The following ORC1 variants were observed in gnomAD, a reference collection of about 807,000 sequenced individuals.
The protein encoded by ORC1 is origin recognition complex subunit 1.
ORC1 carries 61 observed loss-of-function variants against 98.9 expected under a neutral mutation model. That is an observed-to-expected ratio of 0.62 (90% CI 0.50 to 0.76). The LOEUF is 0.76. Among genes scored for constraint, ORC1 ranks in the 30% least tolerant of loss-of-function variants. The probability of loss-of-function intolerance (pLI) is 0.00; values close to 1 mark genes in which losing one functional copy is unlikely to be tolerated. For missense variants in ORC1, 979 were observed against 1,072.2 expected, an observed-to-expected ratio of 0.91 and a Z score of 1.21; for synonymous variants, 385 against 406.9, an observed-to-expected ratio of 0.95 and a Z score of 0.65.
At chr1:52,407,542 G>A (rs1356602954), upstream of ORC1, among the ~76,000 whole-genome samples, 1 of 152,196 alleles carries the variant, frequency 6.6e-6, no homozygotes, top group Non-Finnish European at 1.5e-5. Flanking sequence ...GAACCCAGAT[G>A]ACTTACTTTT....
chr1:52,403,332 TGG>T (rs1647821136), intron 1 of ORC1, among the ~76,000 whole-genome samples: 1 of 152,244 alleles, frequency 6.6e-6, no homozygotes, highest in South Asian at 2.1e-4. Context: ...TAAGGTACAG[TGG>T]TTTTATTTAT....
intron 16 of ORC1, among the ~76,000 whole-genome samples, chr1:52,373,628 C>T: frequency 6.6e-6 from 1 of 152,180 alleles, no homozygotes; most frequent in Admixed American, 6.5e-5. Flanking sequence ...GGCCAAGTTA[C>T]TGCACTCTTT....
intron 12 of ORC1, 84 bp downstream of exon 12, chr1:52,383,746 G>T: frequency 7.5e-7 from 1 of 1,339,600 alleles, no homozygotes; most frequent in Non-Finnish European, 1.1e-6. Flanking sequence ...GGAGAAGGGA[G>T]CCAGGACTTT....
At chr1:52,394,591 G>GGAA (rs1351080585) in intron 5 of ORC1, among the ~76,000 whole-genome samples, 1 of 152,040 alleles carries the variant, frequency 6.6e-6, no homozygotes, top group East Asian at 1.9e-4. Flanking sequence ...AGTTGAAAGA[G>GGAA]GAAGAAGAGG....
At chr1:52,401,585 A>G (rs1647710499) in intron 2 of ORC1, 96 bp from the exon 3 acceptor site, 1 of 1,439,674 alleles carries the variant, frequency 6.9e-7, no homozygotes, top group South Asian at 1.1e-5. Flanking sequence ...TCCAATCCTG[A>G]TTTCTTTCTG....
upstream of ORC1, chr1:52,408,536 T>C (rs1648064598): frequency 6.2e-7 from 1 of 1,613,848 alleles, no homozygotes; most frequent in African/African-American, 1.3e-5. Flanking sequence ...ACTTCTAGGA[T>C]GGCCTGTTGT....
intron 15 of ORC1, 146 bp downstream of exon 15, chr1:52,375,284 G>T: frequency 2.6e-6 from 2 of 778,306 alleles, no homozygotes; most frequent in Non-Finnish European, 4.4e-6. Context: ...TTATCCTAGG[G>T]TTATATTTCT....
At position 52,384,562 on chromosome 1, in the gene ORC1, C is replaced by T; in HGVS notation, c.1743G>A (p.Val581=). 6.2e-7 allele frequency: 1 copy of T among 1,614,090 alleles called. No individual in the cohort carries two copies. The highest frequency in any genetic ancestry group is 8.5e-7 in the Non-Finnish European group (1 of 1,180,002). ...MKLTEPHQVY[V]QILQKLTGQK... ...CAGCTCTGCTTACCTGCAAGATTTG[C>T]ACATAGACTTGGTGGGGCTCCGTCA... The change falls in exon 11 of 17, where the codon GTG becomes GTA. Residue 581 remains valine, a synonymous_variant. Coordinates refer to ENST00000371568, the MANE Select transcript of ORC1 (RefSeq NM_004153.4).
At chr1:52,408,301 G>A (rs1030028629), upstream of ORC1, 1 of 566,498 alleles carries the variant, frequency 1.8e-6, no homozygotes, top group African/African-American at 1.9e-5. Context: ...GAGGTAAATA[G>A]GTTTTATTCT....
intron 4 of ORC1, among the ~76,000 whole-genome samples, chr1:52,397,101 T>C (rs1203675194): frequency 1.3e-5 from 2 of 152,182 alleles, no homozygotes; most frequent in Admixed American, 6.5e-5. Flanking sequence ...TAAATTAAGA[T>C]AATCATGCCA....
intron 5 of ORC1, among the ~76,000 whole-genome samples, chr1:52,394,919 G>A (rs1024403825): frequency 3.9e-5 from 6 of 152,164 alleles, no homozygotes; most frequent in African/African-American, 1.4e-4. Context: ...AAAAGTGTTG[G>A]GACTACAGGT....
rs1647269746 is a variant in ORC1 at position 52,393,510 on chromosome 1, T to C, written c.1015A>G (p.Ile339Val). 4 of 1,613,978 alleles carry C rather than the reference T, an allele frequency of 2.5e-6. No individual in the cohort carries two copies. Among genetic ancestry groups the C allele is most frequent in the South Asian group, 2.2e-5 (2 of 91,090 alleles). ...ACTGAAGATCTCTGTCCCCCACTGATAGGGGTAAGTGTTCTCTCCTCTCTA... is the reference window on the plus strand; with the variant it reads ...ACTGAAGATCTCTGTCCCCCACTGACAGGGGTAAGTGTTCTCTCCTCTCTA... Reference protein sequence around the residue: ...DIREERTLTPISGGQRSSVVP... With the variant: ...DIREERTLTPVSGGQRSSVVP... The change falls in exon 6 of 17, where the codon ATC becomes GTC. Residue 339 changes from isoleucine (I) to valine (V), a missense_variant. Physicochemically the swap from Ile to Val is conservative, Grantham distance 29. Coordinates refer to ENST00000371568, the MANE Select transcript of ORC1 (RefSeq NM_004153.4).
At chr1:52,377,492 C>A (rs1161485545) in intron 14 of ORC1, among the ~76,000 whole-genome samples, 1 of 152,004 alleles carries the variant, frequency 6.6e-6, no homozygotes, top group Admixed American at 6.6e-5. Context: ...CCAGGCTGGT[C>A]TCAAACTCCT....
chr1:52,401,953 A>T (rs1647729925), intron 2 of ORC1, among the ~76,000 whole-genome samples, 176 bp downstream of exon 2: 1 of 152,212 alleles, frequency 6.6e-6, no homozygotes, highest in Admixed American at 6.5e-5. Context: ...CTCCATCACT[A>T]ACTGCTATAT....
chr1:52,374,490 G>T (rs1007868933), intron 16 of ORC1, among the ~76,000 whole-genome samples: 4 of 152,196 alleles, frequency 2.6e-5, no homozygotes, highest in Admixed American at 1.3e-4. Flanking sequence ...TCTGTGATTT[G>T]TTCTCAAATA....
chr1:52,408,684 A>C, upstream of ORC1: 2 of 1,614,094 alleles, frequency 1.2e-6, no homozygotes, highest in African/African-American at 2.7e-5. Flanking sequence ...CCAGAACCGA[A>C]ATGGGGGTAA....
Position 52,396,258 on chromosome 1 carries a change from G to A in ORC1, c.509C>T (p.Ser170Leu), listed in dbSNP as rs1259465919. The A allele has an allele frequency of 1.9e-6, 3 of 1,614,114 alleles. No homozygotes were observed. The highest frequency in any genetic ancestry group is 2.2e-5 in the East Asian group (1 of 44,892). Residue 170 changes from serine (S) to leucine (L), a missense_variant, in exon 5 of 17, where the codon TCA becomes TTA. Coordinates refer to ENST00000371568, the MANE Select transcript of ORC1 (RefSeq NM_004153.4). ...TTTATTCAACTCCGCAAATAGTTCT[G>A]AGGAAAGTGGCCTGAATTTCTTCTC... ...WNEKKFRPLS[S>L]ELFAELNKPQ...
At chr1:52,402,852 G>A (rs893599037) in intron 1 of ORC1, among the ~76,000 whole-genome samples, 9 of 152,204 alleles carry the variant, frequency 5.9e-5, no homozygotes, top group Middle Eastern at 3.4e-3. Context: ...AGCCGAGATC[G>A]CAACACTGCA....
chr1:52,404,441 G>A, upstream of ORC1: 1 of 243,624 alleles, frequency 4.1e-6, no homozygotes, highest in South Asian at 5.8e-5. Flanking sequence ...AAAACTTCGC[G>A]CCAATCGGCG....
Sources: gnomAD v4.1 joint callset for allele counts (sites outside exome capture counted in the v4.1 genomes callset) on GRCh38, gnomAD v4.1.1 for gene constraint, MANE v1.5 for transcripts, NCBI Gene and HGNC (gene_info 2026-07-23, HGNC 2026-07-21) for gene names.